Variants in ATG4B observed in about 807,000 individuals in gnomAD.
ATG4B encodes autophagy related 4B cysteine peptidase.
ATG4B carries 29 observed loss-of-function variants against 56.6 expected under a neutral mutation model. The ratio of observed to expected loss-of-function variants is 0.51; its 90% CI spans 0.38 to 0.70. ATG4B has a LOEUF of 0.70. ATG4B is among the 30% of genes least tolerant of loss of function. ATG4B has a pLI of 0.00. For missense variants in ATG4B, 461 were observed against 515.5 expected, an observed-to-expected ratio of 0.89 and a Z score of 1.02; for synonymous variants, 224 against 206.1, an observed-to-expected ratio of 1.09 and a Z score of -0.74.
intron 7 of ATG4B, among the ~76,000 whole-genome samples, chr2:241,662,711 A>G (rs1025459891): frequency 6.6e-6 from 1 of 152,382 alleles, no homozygotes; most frequent in East Asian, 1.9e-4. Flanking sequence ...AAGCCTTTCT[A>G]TCAAAACATA....
intron 6 of ATG4B, among the ~76,000 whole-genome samples, chr2:241,658,649 A>T (rs1324815655): frequency 6.6e-6 from 1 of 151,108 alleles, no homozygotes; most frequent in Non-Finnish European, 1.5e-5. Flanking sequence ...CGTGCTTCCC[A>T]CTAAGCTGCA....
chr2:241,669,042 CCCTGCACCACCTTCGTCACACCCA>C (rs2068874126), intron 10 of ATG4B, among the ~76,000 whole-genome samples: 1 of 101,144 alleles, frequency 9.9e-6, no homozygotes, highest in African/African-American at 2.8e-5. Context: ...CTCCACCCAC[CCCTGCACCACCTTCGTCACACCCA>C]CATTTAAACA....
In ATG4B at chr2:241,666,855, G is replaced by A. The variant is rs771019497; in HGVS notation, c.732+17G>A. The stretch of plus-strand genomic sequence containing the variant: ...ACGCTGAAGGTGGGTCCTGCCGTGC[G>A]GCGCTTGCCCTGAGTCCCCGTCCCC... On this transcript the variant is annotated intron_variant, in intron 8 of 12. Coordinates refer to ENST00000404914, the MANE Select transcript of ATG4B (RefSeq NM_013325.5). 67 of 1,546,682 alleles carry A rather than the reference G, an allele frequency of 4.3e-5. No homozygotes were observed. Among genetic ancestry groups the A allele is most frequent in the Middle Eastern group, 1.9e-4 (1 of 5,180 alleles).
At chr2:241,653,173 A>T in intron 3 of ATG4B, 1 of 612,566 alleles carries the variant, frequency 1.6e-6, no homozygotes, top group Non-Finnish European at 2.9e-6. Context: ...TGCCTTTCTG[A>T]TAATTGGAAA....
In ATG4B at chr2:241,668,368, G is replaced by A. The variant is rs1446428375; in HGVS notation, c.811+147G>A. 7 of 1,346,820 alleles carry A rather than the reference G, an allele frequency of 5.2e-6. No individual in the cohort carries two copies. The highest frequency in any genetic ancestry group is 2.0e-5 in the Admixed American group (1 of 48,812). The allele number at this position is 1,346,820 out of a possible 1,614,324, so 83.4% of individuals were successfully genotyped here. A position where few individuals can be genotyped will look rare whatever the true frequency, so the allele number is the denominator to read the frequency against. ...GTTCATTTTCAGCCTGGTCGCGGGCGGCCTCCTGTGTGCCCCTTTCCCTGA... is the reference window on the plus strand; with the variant it reads ...GTTCATTTTCAGCCTGGTCGCGGGCAGCCTCCTGTGTGCCCCTTTCCCTGA... On this transcript the variant is annotated intron_variant, in intron 9 of 12. Transcript: ENST00000404914. This position sits in a 1 kb window ranked among gnomAD's most constrained non-coding sequence, Gnocchi z 4.2.
Position 241,661,284 on chromosome 2 carries a change from A to G in ATG4B, c.538+2097A>G, listed in dbSNP as rs565248183. ...GCCTGATGCCCCCATTTAGGAAGAA[A>G]GGCATCCACATCCAGCCAGCAAAGG... is the stretch of plus-strand genomic sequence containing the variant. On this transcript the variant is annotated intron_variant, in intron 7 of 12. Transcript: ENST00000404914. Among the ~76,000 whole-genome samples, 16 of 152,344 alleles carry G rather than the reference A, an allele frequency of 1.1e-4. No individual in the cohort carries two copies. In the South Asian group the frequency reaches 3.1e-3, roughly 30 times the overall value.
Position 241,668,028 on chromosome 2 carries a change from C to T in ATG4B, c.733-115C>T. 1.0e-6 allele frequency: 1 copy of T among 955,814 alleles called. No individual in the cohort carries two copies. The allele number at this position is 955,814 out of a possible 1,614,324, so 59.2% of individuals were successfully genotyped here. A position where few individuals can be genotyped will look rare whatever the true frequency, so the allele number is the denominator to read the frequency against. On this transcript the variant is annotated intron_variant, in intron 8 of 12. Coordinates refer to ENST00000404914, the MANE Select transcript of ATG4B (RefSeq NM_013325.5). This position sits in a 1 kb window ranked among gnomAD's most constrained non-coding sequence, Gnocchi z 4.2. ...CTTTGGTACCATGTCCCCTCCTGTC[C>T]CCTCTTGTGTCACCCAGTTGGGCCT... is the stretch of plus-strand genomic sequence containing the variant.
chr2:241,640,723 C>T (rs960067373), intron 1 of ATG4B, among the ~76,000 whole-genome samples: 10 of 152,130 alleles, frequency 6.6e-5, no homozygotes, highest in African/African-American at 1.4e-4. Flanking sequence ...TAAGTTTTGA[C>T]GAAGACTTAA....
intron 6 of ATG4B, among the ~76,000 whole-genome samples, chr2:241,657,592 C>T (rs1193026499): frequency 6.6e-6 from 1 of 152,206 alleles, no homozygotes; most frequent in Admixed American, 6.5e-5. Context: ...CATGAGCCAC[C>T]GCTCCTGGCC....
Position 241,666,629 on chromosome 2 carries a change from A to G in ATG4B, c.539-16A>G. 1 of 1,612,670 alleles carries G rather than the reference A, an allele frequency of 6.2e-7. No individual in the cohort carries two copies. The highest frequency in any genetic ancestry group is 8.5e-7 in the Non-Finnish European group (1 of 1,179,542). ...ACAGGTCTGCTTGGTTAGTGAAAGC[A>G]TGTCTCCCTTTCTAGGAAGGTTGTG... On this transcript the variant is annotated splice_polypyrimidine_tract_variant and intron_variant, in intron 7 of 12. Transcript: ENST00000404914.
chr2:241,639,962 C>T (rs906070403), intron 1 of ATG4B, among the ~76,000 whole-genome samples: 2 of 152,192 alleles, frequency 1.3e-5, no homozygotes, highest in African/African-American at 4.8e-5. Flanking sequence ...TAAACTGTGG[C>T]TTGAAGGTTG....
At chr2:241,658,815 C>T (rs1051661452) in intron 6 of ATG4B, among the ~76,000 whole-genome samples, 3 of 152,254 alleles carry the variant, frequency 2.0e-5, no homozygotes, top group Non-Finnish European at 4.4e-5. Context: ...GTTCCTGCCT[C>T]TGTGCCAGTG....
chr2:241,659,230 C>T (rs866543785), intron 7 of ATG4B, 43 bp downstream of exon 7: 7 of 1,550,552 alleles, frequency 4.5e-6, no homozygotes, highest in South Asian at 2.2e-5. Flanking sequence ...GTTGAAATCA[C>T]GGGCAACATA....
Position 241,668,685 on chromosome 2 carries a change from G to T in ATG4B, c.957G>T (p.Val319=). The T allele has an allele frequency of 6.4e-7, 1 of 1,568,016 alleles. No individual in the cohort carries two copies. The change falls in exon 10 of 13, where the codon GTG becomes GTT. Residue 319 remains valine (V), a splice_region_variant and synonymous_variant. Coordinates refer to ENST00000404914, the MANE Select transcript of ATG4B (RefSeq NM_013325.5). The surrounding 1 kb of genome is among the most constrained non-coding windows in gnomAD (Gnocchi z 4.2). ...SIAELDPSIA[V]GFFCKTEDDF... is the part of the protein sequence containing the mutation. ...CGGAGCTTGACCCGTCCATCGCTGT[G>T]GTACGTGGCGGCCACCTGAGCACAC...
intron 1 of ATG4B, among the ~76,000 whole-genome samples, chr2:241,640,046 G>A (rs1428799738): frequency 6.6e-6 from 1 of 152,168 alleles, no homozygotes; most frequent in African/African-American, 2.4e-5. Context: ...GATACCTTGA[G>A]GCTGGAGTAT....
intron 5 of ATG4B, 40 bp from the exon 6 acceptor site, chr2:241,655,231 G>A: frequency 6.3e-7 from 1 of 1,578,456 alleles, no homozygotes; most frequent in Non-Finnish European, 8.6e-7. Context: ...TCAGGGCTGG[G>A]GGCGGGTGTG....
chr2:241,659,028 CCTT>C (rs2068504920), intron 6 of ATG4B, 77 bp from the exon 7 acceptor site: 1 of 1,141,846 alleles, frequency 8.8e-7, no homozygotes, highest in South Asian at 1.6e-5. Context: ...CGCGAACCCT[CCTT>C]CGCGCAGCTA....
intron 1 of ATG4B, among the ~76,000 whole-genome samples, chr2:241,642,978 G>A (rs562627267): frequency 2.0e-5 from 3 of 147,568 alleles, no homozygotes; most frequent in African/African-American, 7.5e-5. Context: ...CGCCTCCTGG[G>A]TTCAAGAGAT....
chr2:241,667,004 G>C (rs1173412199), intron 8 of ATG4B, among the ~76,000 whole-genome samples, 166 bp downstream of exon 8: 2 of 152,194 alleles, frequency 1.3e-5, no homozygotes, highest in East Asian at 1.9e-4. Context: ...TGGGCGTGAG[G>C]CACGTCCATC....
Sources: gnomAD v4.1 joint callset for allele counts (sites outside exome capture counted in the v4.1 genomes callset) on GRCh38, gnomAD v4.1.1 for gene constraint, Gnocchi (gnomAD v3.1) non-coding constraint, MANE v1.5 for transcripts, NCBI Gene and HGNC (gene_info 2026-07-23, HGNC 2026-07-21) for gene names.